Variants in SNAP23 observed in about 807,000 individuals in gnomAD.
The protein encoded by SNAP23 is synaptosome associated protein 23.
Under a neutral mutation model 29.0 loss-of-function variants are expected in SNAP23, and 11 were observed. That is an observed-to-expected ratio of 0.38 (90% CI 0.24 to 0.63). SNAP23 has a LOEUF of 0.63. Ranked by LOEUF, SNAP23 falls within the 20% of genes least tolerant of loss-of-function variation. The pLI, the probability that SNAP23 is intolerant of heterozygous loss-of-function variation, is 0.58. For synonymous variants in SNAP23, 60 were observed against 82.9 expected (o/e 0.72, Z 1.50); for missense variants, 220 against 253.9 (o/e 0.87, Z 0.91).
In SNAP23 at chr15:42,532,221, G is replaced by A. The variant is rs2057572739; in HGVS notation, c.*743G>A. On this transcript the variant is annotated 3_prime_UTR_variant, in exon 8 of 8. Transcript: ENST00000249647. ...ATTCTCCTGCCTTGCCTCCTGAGTAGCTGGGATTACAGGCGTGTGTCACCA... is the reference window on the plus strand; with the variant it reads ...ATTCTCCTGCCTTGCCTCCTGAGTAACTGGGATTACAGGCGTGTGTCACCA... 6.6e-6 allele frequency: 1 copy of A among 152,094 alleles called. No individual in the cohort carries two copies. Among genetic ancestry groups the A allele is most frequent in the African/African-American group, 2.4e-5 (1 of 41,374 alleles). 9.4% of individuals were successfully genotyped at this position (152,094 alleles called of 1,614,324 possible).
chr15:42,511,911 T>C lies in SNAP23; in HGVS notation c.57+8T>C. The C allele has an allele frequency of 6.4e-7, 1 of 1,553,806 alleles. No individual in the cohort carries two copies. Among genetic ancestry groups the C allele is most frequent in the Non-Finnish European group, 8.8e-7 (1 of 1,134,242 alleles). ...CACCAGATTACTGATGAGGTAAATGTTTTACCTAAAATAAGTAAATAATTC... is the reference window on the plus strand; with the variant it reads ...CACCAGATTACTGATGAGGTAAATGCTTTACCTAAAATAAGTAAATAATTC... On this transcript the variant is annotated splice_region_variant and intron_variant, in intron 2 of 7. Transcript: ENST00000249647.
In SNAP23 at chr15:42,528,292, T is replaced by C. The variant is rs1354284051; in HGVS notation, c.297T>C (p.Tyr99=). The change falls in exon 6 of 8, where the codon TAT becomes TAC. Residue 99 remains tyrosine (Y), a synonymous_variant. Coordinates refer to ENST00000249647, the MANE Select transcript of SNAP23 (RefSeq NM_003825.4). ...RTKNFESGKA[Y]KTTWGDGGEN... ...AGAACTTTGAGTCTGGCAAGGCTTA[T>C]AAGACAACATGGGGAGATGGTGGAG... The C allele has an allele frequency of 6.2e-7, 1 of 1,614,020 alleles. No individual in the cohort carries two copies.
intron 1 of SNAP23, among the ~76,000 whole-genome samples, chr15:42,503,255 G>A (rs2057290102): frequency 1.3e-5 from 2 of 152,176 alleles, no homozygotes; most frequent in South Asian, 2.1e-4. Flanking sequence ...AGGCTGGAGT[G>A]CAGCGGTGCG....
At chr15:42,520,043 T>C (rs894028100) in intron 5 of SNAP23, among the ~76,000 whole-genome samples, 12 of 143,820 alleles carry the variant, frequency 8.3e-5, no homozygotes, top group African/African-American at 3.2e-4. Context: ...AGAACCCCCT[T>C]GCTTTTTTTT....
chr15:42,531,787 T>C lies in SNAP23; in HGVS notation c.*309T>C. The C allele has an allele frequency of 4.8e-6, 1 of 210,202 alleles. No individual in the cohort carries two copies. The highest frequency in any genetic ancestry group is 1.7e-3 in the Middle Eastern group (1 of 602). 13.0% of individuals were successfully genotyped at this position (210,202 alleles called of 1,614,324 possible). On this transcript the variant is annotated 3_prime_UTR_variant, in exon 8 of 8. Transcript: ENST00000249647. ...CTTTTGCTTTCAAGATTTGGAAGCATTGCCAAAGACAGCCATGAAGAAGGA... is the reference window on the plus strand; with the variant it reads ...CTTTTGCTTTCAAGATTTGGAAGCACTGCCAAAGACAGCCATGAAGAAGGA...
chr15:42,494,722 G>A (rs1172807512), upstream of SNAP23, among the ~76,000 whole-genome samples: 4 of 151,954 alleles, frequency 2.6e-5, no homozygotes, highest in African/African-American at 9.7e-5. Flanking sequence ...TCTCTATGTT[G>A]GCCAGGCTGG....
Position 42,520,652 on chromosome 15 carries a change from A to G in SNAP23, c.266+5298A>G, listed in dbSNP as rs529963929. Among the ~76,000 whole-genome samples, 23 of 151,682 alleles carry G rather than the reference A, an allele frequency of 1.5e-4. No homozygotes were observed. The East Asian group carries it at 2.0e-3, about 13-fold the overall frequency. On this transcript the variant is annotated intron_variant, in intron 5 of 7. Transcript: ENST00000249647. ...TGGGACTACAGGCGCCCGCCACCAC[A>G]CCTGGCTAATTTTTTGTATTTTTAG... is the stretch of plus-strand genomic sequence containing the variant.
At chr15:42,504,630 A>C (rs2057302828) in intron 1 of SNAP23, among the ~76,000 whole-genome samples, 1 of 152,234 alleles carries the variant, frequency 6.6e-6, no homozygotes, top group Non-Finnish European at 1.5e-5. Flanking sequence ...CATTGTACTA[A>C]GTACTTTGTG....
At chr15:42,516,468 C>T (rs954742485) in intron 5 of SNAP23, among the ~76,000 whole-genome samples, 5 of 151,774 alleles carry the variant, frequency 3.3e-5, no homozygotes, top group African/African-American at 4.8e-5. Flanking sequence ...GTAGCTGGGA[C>T]TACAGGCGCA....
chr15:42,528,136 G>C, intron 5 of SNAP23, 126 bp from the exon 6 acceptor site: 2 of 703,532 alleles, frequency 2.8e-6, no homozygotes, highest in Admixed American at 5.0e-5. Flanking sequence ...AGATCATCTA[G>C]ACTTAGCTGT....
chr15:42,492,549 G>A (rs1422099947), upstream of SNAP23, among the ~76,000 whole-genome samples: 5 of 151,730 alleles, frequency 3.3e-5, no homozygotes, highest in Non-Finnish European at 7.4e-5. Context: ...GTGGTGGTGC[G>A]TGCCTGTAGT....
At chr15:42,495,453 T>TGAACACCTC (rs1567040378), upstream of SNAP23, 2 of 152,396 alleles carry the variant, frequency 1.3e-5, no homozygotes, top group African/African-American at 4.8e-5. Context: ...GTTTATTGCA[T>TGAACACCTC]GAACACCTCC....
chr15:42,527,111 T>A (rs1191447671), intron 5 of SNAP23, among the ~76,000 whole-genome samples: 1 of 152,152 alleles, frequency 6.6e-6, no homozygotes, highest in Non-Finnish European at 1.5e-5. Flanking sequence ...GTGCTGGGAT[T>A]ACCGGTGTGA....
intron 4 of SNAP23, 137 bp from the exon 5 acceptor site, chr15:42,515,099 AC>A (rs2057387929): frequency 6.4e-6 from 4 of 626,016 alleles, no homozygotes; most frequent in Non-Finnish European, 1.1e-5. Context: ...CGCTTCTAAT[AC>A]CTTTTGACAC....
At chr15:42,508,635 C>T (rs183857768) in intron 1 of SNAP23, among the ~76,000 whole-genome samples, 15 of 152,250 alleles carry the variant, frequency 9.9e-5, no homozygotes, top group African/African-American at 3.1e-4. Context: ...TGATTCCTCA[C>T]GTTATCCATC....
intron 1 of SNAP23, among the ~76,000 whole-genome samples, chr15:42,499,378 C>T (rs532107141): frequency 5.9e-5 from 9 of 152,272 alleles, no homozygotes; most frequent in African/African-American, 2.2e-4. Flanking sequence ...GGTCTAAGGT[C>T]ACATCTTTTC....
At chr15:42,501,774 G>A (rs1308979753) in intron 1 of SNAP23, among the ~76,000 whole-genome samples, 1 of 152,120 alleles carries the variant, frequency 6.6e-6, no homozygotes, top group African/African-American at 2.4e-5. Flanking sequence ...TGAGCACTGT[G>A]TGCCAGGCAC....
chr15:42,528,068 T>G (rs2057520344), intron 5 of SNAP23, 194 bp from the exon 6 acceptor site: 1 of 485,276 alleles, frequency 2.1e-6, no homozygotes, highest in African/African-American at 1.9e-5. Flanking sequence ...TTTTTTAGTG[T>G]CAATGGGTTT....
intron 5 of SNAP23, 132 bp from the exon 6 acceptor site, chr15:42,528,130 C>G (rs529982093): frequency 3.0e-6 from 2 of 660,750 alleles, no homozygotes; most frequent in African/African-American, 3.6e-5. Flanking sequence ...TAGTGTAGAT[C>G]ATCTAGACTT....
Sources: gnomAD v4.1 joint callset for allele counts (sites outside exome capture counted in the v4.1 genomes callset) on GRCh38, gnomAD v4.1.1 for gene constraint, MANE v1.5 for transcripts, NCBI Gene and HGNC (gene_info 2026-07-23, HGNC 2026-07-21) for gene names.